CDC42BPA: variants seen among roughly 807,000 people sequenced by gnomAD.
CDC42BPA encodes the protein serine/threonine-protein kinase MRCK alpha.
Under a neutral mutation model 223.5 loss-of-function variants are expected in CDC42BPA, and 80 were observed. The ratio of observed to expected loss-of-function variants is 0.36; its 90% CI spans 0.30 to 0.43. The LOEUF is 0.43. Among genes scored for constraint, CDC42BPA ranks in the 20% least tolerant of loss-of-function variants. The pLI is 1.00. For synonymous variants in CDC42BPA, 694 were observed against 718.6 expected (o/e 0.97, Z 0.55); for missense variants, 1,743 against 2,099.9 (o/e 0.83, Z 3.32).
chr1:227,054,197 G>A (rs1357247448), intron 21 of CDC42BPA, among the ~76,000 whole-genome samples: 1 of 152,192 alleles, frequency 6.6e-6, no homozygotes, highest in Non-Finnish European at 1.5e-5. Context: ...CTGTGTGAAA[G>A]GTAATGCTGT....
chr1:227,012,564 T>C (rs889962895), intron 34 of CDC42BPA, among the ~76,000 whole-genome samples: 2 of 152,110 alleles, frequency 1.3e-5, no homozygotes, highest in African/African-American at 4.8e-5. Flanking sequence ...CAATAAACTT[T>C]CTAAGCTTAT....
chr1:227,031,372 G>A lies in CDC42BPA; in HGVS notation c.3701C>T (p.Ser1234Leu). The change falls in exon 28 of 37, where the codon TCA (serine) becomes TTA (leucine). Residue 1234 changes from serine (S) to leucine (L), a missense_variant. Transcript: ENST00000366766. ...ATAAGCCTCTTTGGGAACATAGACTGAGCGGTCTCTGAATTTGTTTTTCTT... is the reference window on the plus strand; with the variant it reads ...ATAAGCCTCTTTGGGAACATAGACTAAGCGGTCTCTGAATTTGTTTTTCTT... ...ILKKNKFRDR[S>L]VYVPKEAYDS... is the part of the protein sequence containing the mutation. 1 of 1,614,078 alleles carries A rather than the reference G, an allele frequency of 6.2e-7. No individual in the cohort carries two copies.
At chr1:227,129,353 T>G in intron 10 of CDC42BPA, 122 bp from the exon 11 acceptor site, 1 of 735,572 alleles carries the variant, frequency 1.4e-6, no homozygotes, top group Non-Finnish European at 2.2e-6. Context: ...ATCTACTCAC[T>G]GACAAAAAGC....
intron 22 of CDC42BPA, among the ~76,000 whole-genome samples, chr1:227,048,753 G>GAAAAA (rs34655609): frequency 1.2e-4 from 14 of 112,474 alleles, no homozygotes; most frequent in South Asian, 3.5e-4. Context: ...AAAGTAGTGA[G>GAAAAA]AAAAAAAAAA....
rs983120653 is a variant in CDC42BPA, at chr1:227,028,406, T to C, written c.4432+251A>G. On this transcript the variant is annotated intron_variant, in intron 30 of 36. Coordinates refer to ENST00000366766, the MANE Select transcript of CDC42BPA (RefSeq NM_001394014.1). ...TCAAAATATGATGTGGGGTAAAAAA[T>C]CCATCTTAGTGAAATATTCCACAGA... Among the ~76,000 whole-genome samples, 6 of 152,166 alleles carry C rather than the reference T, an allele frequency of 3.9e-5. No individual in the cohort carries two copies. In the East Asian group the frequency reaches 1.2e-3, roughly 29 times the overall value.
intron 1 of CDC42BPA, among the ~76,000 whole-genome samples, chr1:227,280,139 A>G (rs915602631): frequency 6.6e-6 from 1 of 152,252 alleles, no homozygotes; most frequent in Non-Finnish European, 1.5e-5. Context: ...TTCTATTAGA[A>G]TAAGTCTGAC....
At position 227,174,814 on chromosome 1, in the gene CDC42BPA, G is replaced by C. The variant is rs935547286; in HGVS notation, c.600-14178C>G. Among the ~76,000 whole-genome samples, 12 of 152,086 alleles carry C rather than the reference G, an allele frequency of 7.9e-5. No homozygotes were observed. In the East Asian group the frequency reaches 9.6e-4, roughly 12 times the overall value. ...AGAATCTATTCAATCCAGTATTTAA[G>C]ATTTAAAACAAAGATAGGAAAGCAC... On this transcript the variant is annotated intron_variant, in intron 5 of 36. Coordinates refer to ENST00000366766, the MANE Select transcript of CDC42BPA (RefSeq NM_001394014.1).
chr1:227,022,075 C>A (rs761978230), intron 32 of CDC42BPA, among the ~76,000 whole-genome samples: 1 of 151,902 alleles, frequency 6.6e-6, no homozygotes, highest in Non-Finnish European at 1.5e-5. Flanking sequence ...AATAATGGGT[C>A]TAAACATTTT....
At chr1:227,195,429 A>G (rs6659322) in intron 4 of CDC42BPA, among the ~76,000 whole-genome samples, 103,498 of 151,672 alleles carry the variant, frequency 0.68, 35,522 homozygotes, top group South Asian at 0.73. Context: ...CCTGACCTGG[A>G]CGTCCCAAAG....
chr1:227,169,750 C>T (rs1475205810), intron 5 of CDC42BPA, among the ~76,000 whole-genome samples: 3 of 152,144 alleles, frequency 2.0e-5, no homozygotes, highest in Non-Finnish European at 4.4e-5. Context: ...AGGATGTATT[C>T]CCAATCAGGT....
chr1:227,062,472 T>C (rs576392516), intron 21 of CDC42BPA, among the ~76,000 whole-genome samples: 1 of 152,330 alleles, frequency 6.6e-6, no homozygotes, highest in Middle Eastern at 3.4e-3. Flanking sequence ...GTTATAGTTA[T>C]CTGGTTATAT....
At chr1:227,131,316 T>G (rs1334409762) in intron 10 of CDC42BPA, among the ~76,000 whole-genome samples, 1 of 152,194 alleles carries the variant, frequency 6.6e-6, no homozygotes, top group African/African-American at 2.4e-5. Flanking sequence ...CTGGCTGGTT[T>G]AAGTTAATCA....
intron 16 of CDC42BPA, among the ~76,000 whole-genome samples, chr1:227,086,930 C>T (rs1391816720): frequency 6.6e-6 from 1 of 152,136 alleles, no homozygotes; most frequent in East Asian, 1.9e-4. Flanking sequence ...GCCTTAGACT[C>T]CCAAAGTGCT....
intron 1 of CDC42BPA, among the ~76,000 whole-genome samples, chr1:227,293,157 C>T (rs1415456007): frequency 2.6e-5 from 4 of 152,154 alleles, no homozygotes; most frequent in Admixed American, 2.6e-4. Context: ...CTACAATACA[C>T]CAAGCACTTA....
intron 1 of CDC42BPA, among the ~76,000 whole-genome samples, chr1:227,267,219 A>G (rs1014049075): frequency 6.6e-6 from 1 of 152,168 alleles, no homozygotes; most frequent in Admixed American, 6.5e-5. Flanking sequence ...GTTGAATGAT[A>G]ATTTATGAAT....
chr1:227,142,819 CA>C, intron 9 of CDC42BPA, 125 bp downstream of exon 9: 1 of 466,194 alleles, frequency 2.1e-6, no homozygotes, highest in Non-Finnish European at 3.8e-6. Context: ...GGGGTTTCAC[CA>C]TATTGGCCAG....
intron 10 of CDC42BPA, among the ~76,000 whole-genome samples, chr1:227,130,470 C>T (rs1656848999): frequency 6.6e-6 from 1 of 150,924 alleles, no homozygotes; most frequent in African/African-American, 2.4e-5. Context: ...TGGTCCTTTC[C>T]GTATTTATTA....
intron 1 of CDC42BPA, among the ~76,000 whole-genome samples, chr1:227,298,113 ATC>A (rs1040041008): frequency 1.1e-4 from 16 of 151,432 alleles, no homozygotes; most frequent in Non-Finnish European, 2.1e-4. Context: ...CTCAAAAAAA[ATC>A]TCTCTTTCTC....
intron 3 of CDC42BPA, among the ~76,000 whole-genome samples, chr1:227,207,351 CTTT>C (rs372665560): frequency 1.5e-5 from 2 of 136,196 alleles, no homozygotes; most frequent in Non-Finnish European, 3.2e-5. Flanking sequence ...TTTTTTTCAT[CTTT>C]TTTTTTCTTT....
Sources: allele counts gnomAD v4.1 joint callset (sites outside exome capture counted in the v4.1 genomes callset), GRCh38; gene constraint gnomAD v4.1.1; transcripts MANE v1.5; gene names NCBI Gene and HGNC (gene_info 2026-07-23, HGNC 2026-07-21).